SVOPL: variants seen among roughly 807,000 people sequenced by gnomAD.
The protein encoded by SVOPL is SVOP like.
A neutral mutation model predicts 61.0 loss-of-function variants in SVOPL; 60 were observed. That is an observed-to-expected ratio of 0.98 (90% CI 0.80 to 1.22). The LOEUF (loss-of-function observed/expected upper bound fraction) is 1.22, where lower values mean the gene tolerates loss of function less well. Ranked by LOEUF, SVOPL falls within the 50% of genes most tolerant of loss-of-function variation. The probability of loss-of-function intolerance (pLI) is 0.00; values close to 1 mark genes in which losing one functional copy is unlikely to be tolerated. For missense variants in SVOPL, 662 were observed against 643.9 expected (o/e 1.03, Z -0.30); for synonymous variants, 279 against 250.0 (o/e 1.12, Z -1.09).
At chr7:138,685,415 G>C (rs1432822414) in intron 1 of SVOPL, among the ~76,000 whole-genome samples, 1 of 152,106 alleles carries the variant, frequency 6.6e-6, no homozygotes, top group African/African-American at 2.4e-5. Context: ...GTGGAATAGT[G>C]GATGCCATTC....
At chr7:138,602,961 T>A (rs143268165) in intron 14 of SVOPL, among the ~76,000 whole-genome samples, 63 of 152,274 alleles carry the variant, frequency 4.1e-4, no homozygotes, top group Middle Eastern at 3.4e-3. Flanking sequence ...TAGATAGATA[T>A]ACAGATATTC....
At chr7:138,677,421 T>C (rs530238148) in intron 3 of SVOPL, among the ~76,000 whole-genome samples, 1 of 152,200 alleles carries the variant, frequency 6.6e-6, no homozygotes, top group Non-Finnish European at 1.5e-5. Context: ...ATGGGTTTTA[T>C]TAACCCTATA....
At chr7:138,627,208 G>T in intron 12 of SVOPL, 142 bp downstream of exon 12, 1 of 605,476 alleles carries the variant, frequency 1.7e-6, no homozygotes. Context: ...GAACAGGCAA[G>T]ACCATTCTAG....
chr7:138,624,487 A>C (rs1249417236), intron 13 of SVOPL, among the ~76,000 whole-genome samples: 2 of 152,160 alleles, frequency 1.3e-5, no homozygotes, highest in African/African-American at 2.4e-5. Context: ...TTCCTAAGCT[A>C]TCACAGCTCA....
At chr7:138,612,150 T>G (rs1307532467) in intron 14 of SVOPL, among the ~76,000 whole-genome samples, 1 of 29,938 alleles carries the variant, frequency 3.3e-5, no homozygotes, top group African/African-American at 8.4e-5. Context: ...GTTAAATGGA[T>G]TAAGGGCGGT....
chr7:138,656,624 G>T, intron 6 of SVOPL, 113 bp from the exon 7 acceptor site: 1 of 1,098,756 alleles, frequency 9.1e-7, no homozygotes, highest in Non-Finnish European at 1.3e-6. Context: ...CATAGAAGTT[G>T]ATTATATATC....
intron 14 of SVOPL, among the ~76,000 whole-genome samples, chr7:138,598,195 CTGT>C (rs1315868530): frequency 6.6e-6 from 1 of 152,072 alleles, no homozygotes; most frequent in East Asian, 1.9e-4. Flanking sequence ...GGAAAAAGAT[CTGT>C]TGTTAATCTC....
chr7:138,618,236 A>C (rs1799388024), intron 14 of SVOPL, among the ~76,000 whole-genome samples: 1 of 152,204 alleles, frequency 6.6e-6, no homozygotes, highest in African/African-American at 2.4e-5. Context: ...CATCATGATA[A>C]TATTAGCTCA....
chr7:138,595,916 G>A (rs113559811), intron 15 of SVOPL, among the ~76,000 whole-genome samples: 19 of 152,142 alleles, frequency 1.2e-4, no homozygotes, highest in African/African-American at 2.6e-4. Flanking sequence ...GGCCGGGCAC[G>A]GTGGCTCACA....
intron 9 of SVOPL, among the ~76,000 whole-genome samples, chr7:138,635,133 G>A (rs1800406324): frequency 6.6e-6 from 1 of 151,906 alleles, no homozygotes; most frequent in African/African-American, 2.4e-5. Context: ...TTAGCTGGGT[G>A]TGGTGGCACA....
At chr7:138,636,476 CT>C (rs1033199816) in intron 9 of SVOPL, among the ~76,000 whole-genome samples, 5 of 147,206 alleles carry the variant, frequency 3.4e-5, no homozygotes, top group South Asian at 2.1e-4. Context: ...TAGGATTTTT[CT>C]TTTTTTTTTT....
intron 14 of SVOPL, among the ~76,000 whole-genome samples, chr7:138,604,538 G>C (rs185550450): frequency 6.6e-6 from 1 of 151,860 alleles, no homozygotes; most frequent in Non-Finnish European, 1.5e-5. Flanking sequence ...CTAGCCAGGC[G>C]TGGTGGCAGG....
At chr7:138,599,614 G>A (rs962311976) in intron 14 of SVOPL, among the ~76,000 whole-genome samples, 4 of 152,260 alleles carry the variant, frequency 2.6e-5, no homozygotes, top group Admixed American at 6.5e-5. Flanking sequence ...TTTGCCAGGC[G>A]TGGTGGCTCA....
At chr7:138,660,511 T>A in intron 5 of SVOPL, 1 of 986,120 alleles carries the variant, frequency 1.0e-6, no homozygotes, top group Non-Finnish European at 1.2e-6. Flanking sequence ...AAACGAAGTG[T>A]TAATGGCTGG....
At chr7:138,665,627 T>TA (rs1479109321) in intron 4 of SVOPL, among the ~76,000 whole-genome samples, 1 of 152,158 alleles carries the variant, frequency 6.6e-6, no homozygotes, top group Non-Finnish European at 1.5e-5. Context: ...TCATGTACTA[T>TA]AAAAAACGGT....
chr7:138,618,233 A>G (rs1799387513), intron 14 of SVOPL, among the ~76,000 whole-genome samples: 3 of 152,200 alleles, frequency 2.0e-5, no homozygotes, highest in African/African-American at 7.2e-5. Context: ...GATCATCATG[A>G]TAATATTAGC....
chr7:138,678,187 C>A (rs1229738208), intron 3 of SVOPL, among the ~76,000 whole-genome samples: 1 of 152,066 alleles, frequency 6.6e-6, no homozygotes, highest in Non-Finnish European at 1.5e-5. Context: ...CCCCCCTCCC[C>A]CACCACTCCT....
intron 1 of SVOPL, 128 bp from the exon 2 acceptor site, chr7:138,679,207 A>T: frequency 1.6e-6 from 1 of 625,020 alleles, no homozygotes; most frequent in South Asian, 2.0e-5. Context: ...ATGTATTTTT[A>T]TCCTCTTTTC....
intron 14 of SVOPL, among the ~76,000 whole-genome samples, chr7:138,598,404 C>A (rs1798369883): frequency 6.6e-6 from 1 of 152,132 alleles, no homozygotes; most frequent in Non-Finnish European, 1.5e-5. Flanking sequence ...ATACTCCTAC[C>A]TCAACAATTG....
Sources: gnomAD v4.1 joint callset for allele counts (sites outside exome capture counted in the v4.1 genomes callset) on GRCh38, gnomAD v4.1.1 for gene constraint, MANE v1.5 for transcripts, NCBI Gene and HGNC (gene_info 2026-07-23, HGNC 2026-07-21) for gene names.